Variants in GPHN observed in about 807,000 individuals in gnomAD.
GPHN encodes gephyrin.
A neutral mutation model predicts 95.5 loss-of-function variants in GPHN; 17 were observed. The observed-to-expected ratio is 0.18, with a 90% CI of 0.12 to 0.27. The LOEUF (loss-of-function observed/expected upper bound fraction) is 0.27, where lower values mean the gene tolerates loss of function less well. GPHN is among the 10% of genes least tolerant of loss of function. The pLI, the probability that GPHN is intolerant of heterozygous loss-of-function variation, is 1.00. For missense variants in GPHN, 660 were observed against 978.1 expected, an observed-to-expected ratio of 0.67 and a Z score of 4.34; for synonymous variants, 320 against 322.5, an observed-to-expected ratio of 0.99 and a Z score of 0.08.
intron 11 of GPHN, among the ~76,000 whole-genome samples, chr14:67,065,703 T>C (rs989499816): frequency 1.3e-5 from 2 of 152,096 alleles, no homozygotes; most frequent in Non-Finnish European, 1.5e-5. Flanking sequence ...TTGTCTCTTT[T>C]GATCTTTGTT....
At chr14:67,215,734 C>A in the GPHN span, among the ~76,000 whole-genome samples, 1 of 152,056 alleles carries the variant, frequency 6.6e-6, no homozygotes, top group South Asian at 2.1e-4. Context: ...TGAATCCATC[C>A]AACTTAGCAA....
At chr14:66,660,844 A>T (rs926279014) in intron 1 of GPHN, among the ~76,000 whole-genome samples, 6 of 152,170 alleles carry the variant, frequency 3.9e-5, no homozygotes, top group Non-Finnish European at 7.4e-5. Context: ...CATGGATACA[A>T]GAGAACCTAC....
At chr14:67,172,807 A>G (rs2082675470) in intron 21 of GPHN, among the ~76,000 whole-genome samples, 1 of 152,126 alleles carries the variant, frequency 6.6e-6, no homozygotes. Flanking sequence ...TGGATTACTT[A>G]TTGCTGCTGC....
chr14:67,570,027 C>T, the GPHN span: 1 of 1,508,744 alleles, frequency 6.6e-7, no homozygotes, highest in Non-Finnish European at 9.2e-7. Flanking sequence ...GAAACTGCTG[C>T]ACAAAGAGGG....
At chr14:67,221,810 A>G in the GPHN span, 1 of 1,613,060 alleles carries the variant, frequency 6.2e-7, no homozygotes, top group East Asian at 2.2e-5. Context: ...CACTTCAGGT[A>G]TGGAACAAAT....
chr14:66,522,736 C>T (rs1435783174), intron 1 of GPHN, among the ~76,000 whole-genome samples: 1 of 151,698 alleles, frequency 6.6e-6, no homozygotes, highest in South Asian at 2.1e-4. Context: ...AATTATTTTA[C>T]CCTGGATTTA....
chr14:67,512,202 T>A, the GPHN span, among the ~76,000 whole-genome samples: 596 of 152,274 alleles, frequency 3.9e-3, 2 homozygotes, highest in Admixed American at 6.5e-3. Flanking sequence ...GTGTGACAAC[T>A]CTCAGTGGGA....
At position 66,508,539 on chromosome 14, in the gene GPHN, G is replaced by T; in HGVS notation, c.12G>T (p.Glu4Asp). The change falls in exon 1 of 23, where the codon GAG becomes GAT. Residue 4 changes from glutamate to aspartate, a missense_variant. By Grantham distance (45) the Glu-to-Asp change is conservative (BLOSUM62 2). This residue lies in a region of GPHN where 92 missense variants were observed against 91.9 expected (regional missense o/e 1.00). Coordinates refer to ENST00000478722, the MANE Select transcript of GPHN (RefSeq NM_020806.5). ...CTGCGCTGGGAAACATGGCGACCGAGGGAATGATCCTTACTAACCACGACC... is the reference window on the plus strand; with the variant it reads ...CTGCGCTGGGAAACATGGCGACCGATGGAATGATCCTTACTAACCACGACC... MAT[E>D]GMILTNHDHQ... 4 of 1,614,108 alleles carry T rather than the reference G, an allele frequency of 2.5e-6. No homozygotes were observed. Among genetic ancestry groups the T allele is most frequent in the Non-Finnish European group, 3.4e-6 (4 of 1,179,926 alleles).
At chr14:66,922,055 T>G (rs1299946326) in intron 6 of GPHN, among the ~76,000 whole-genome samples, 1 of 151,976 alleles carries the variant, frequency 6.6e-6, no homozygotes, top group Non-Finnish European at 1.5e-5. Flanking sequence ...TATACAAAAA[T>G]CAACTCAAGA....
chr14:67,296,395 T>C, the GPHN span, among the ~76,000 whole-genome samples: 1 of 151,878 alleles, frequency 6.6e-6, no homozygotes, highest in Non-Finnish European at 1.5e-5. Flanking sequence ...GGTCAGGAGA[T>C]CGAGACCATC....
At chr14:66,779,334 C>T (rs1006400415) in intron 3 of GPHN, among the ~76,000 whole-genome samples, 2 of 152,078 alleles carry the variant, frequency 1.3e-5, no homozygotes, top group Admixed American at 6.5e-5. Flanking sequence ...TTTTATTTGA[C>T]ATTCAATAAT....
At chr14:67,485,498 G>A in the GPHN span, among the ~76,000 whole-genome samples, 10 of 152,200 alleles carry the variant, frequency 6.6e-5, no homozygotes, top group Non-Finnish European at 1.3e-4. Context: ...TTCCTGCATG[G>A]AATCTGAAGC....
chr14:66,932,444 G>GTGTTTTTTTT (rs2066855722), intron 8 of GPHN, among the ~76,000 whole-genome samples: 1 of 24,380 alleles, frequency 4.1e-5, no homozygotes. Flanking sequence ...CCAAGACCAG[G>GTGTTTTTTTT]TTTTTTTTTT....
intron 10 of GPHN, among the ~76,000 whole-genome samples, chr14:67,057,126 C>T (rs1029561200): frequency 3.3e-5 from 5 of 152,188 alleles, no homozygotes; most frequent in African/African-American, 9.7e-5. Flanking sequence ...AGAGGGGTTC[C>T]CACAGTGCAG....
chr14:66,817,875 G>A (rs2061040827), intron 3 of GPHN, among the ~76,000 whole-genome samples: 1 of 152,042 alleles, frequency 6.6e-6, no homozygotes, highest in African/African-American at 2.4e-5. Flanking sequence ...ATGACTTATT[G>A]CCCCATTCCA....
intron 9 of GPHN, among the ~76,000 whole-genome samples, chr14:67,016,089 G>A (rs2073294877): frequency 6.6e-6 from 1 of 152,098 alleles, no homozygotes; most frequent in African/African-American, 2.4e-5. Flanking sequence ...ATAAAAGACA[G>A]CAAATAGAGG....
chr14:66,843,159 C>T (rs1156962819), intron 4 of GPHN, among the ~76,000 whole-genome samples: 1 of 152,092 alleles, frequency 6.6e-6, no homozygotes, highest in African/African-American at 2.4e-5. Context: ...TTTTGCCTCA[C>T]TTCACTCATC....
At chr14:67,223,805 C>G in the GPHN span, 1 of 985,670 alleles carries the variant, frequency 1.0e-6, no homozygotes, top group Non-Finnish European at 1.2e-6. Flanking sequence ...TCCCCATTTT[C>G]ACTCTCCTCT....
chr14:67,392,489 G>A, the GPHN span: 2 of 1,347,748 alleles, frequency 1.5e-6, no homozygotes, highest in African/African-American at 1.4e-5. Context: ...GGCTATGGCG[G>A]CTGTCAGAGG....
Sources: allele counts gnomAD v4.1 joint callset (sites outside exome capture counted in the v4.1 genomes callset), GRCh38; gene constraint gnomAD v4.1.1; regional missense constraint gnomAD v4.1.1; transcripts MANE v1.5; gene names NCBI Gene and HGNC (gene_info 2026-07-23, HGNC 2026-07-21).